C1orf105: variants seen among roughly 807,000 people sequenced by gnomAD.
The protein encoded by C1orf105 is uncharacterized protein C1orf105.
A neutral mutation model predicts 20.8 loss-of-function variants in C1orf105; 17 were observed. The ratio of observed to expected loss-of-function variants is 0.82; its 90% CI spans 0.56 to 1.23. The LOEUF is 1.23. Ranked by LOEUF, C1orf105 falls within the 50% of genes most tolerant of loss-of-function variation. The pLI is 0.00. For missense variants in C1orf105, 219 were observed against 213.5 expected, an observed-to-expected ratio of 1.03 and a Z score of -0.16; for synonymous variants, 72 against 72.1, an observed-to-expected ratio of 1.00 and a Z score of 0.01.
chr1:172,444,046 T>C (rs1647675331), intron 1 of C1orf105: 1 of 999,730 alleles, frequency 1.0e-6, no homozygotes, highest in Non-Finnish European at 1.2e-6. Context: ...TTTTCCCGCT[T>C]CGGGGCGCCG....
At chr1:172,449,109 T>C (rs1032696888) in intron 3 of C1orf105, among the ~76,000 whole-genome samples, 1 of 152,160 alleles carries the variant, frequency 6.6e-6, no homozygotes, top group African/African-American at 2.4e-5. Context: ...AGGGCTGTCA[T>C]AGGCAGTGCC....
Position 172,445,059 on chromosome 1 carries a change from C to G in C1orf105, c.22-14C>G, listed in dbSNP as rs1558134683. 1.9e-6 allele frequency: 3 copies of G among 1,599,900 alleles called. No individual in the cohort carries two copies. Among genetic ancestry groups the G allele is most frequent in the Middle Eastern group, 3.3e-4 (2 of 6,036 alleles). ...TGTGATATATTCTGTAAAATGTTCT[C>G]TATTTCCCTCTAGGCTTCTGTTCCA... On this transcript the variant is annotated splice_polypyrimidine_tract_variant and intron_variant, in intron 1 of 6. Transcript: ENST00000367727.
At chr1:172,447,460 T>A (rs1236541827) in intron 2 of C1orf105, among the ~76,000 whole-genome samples, 1 of 152,178 alleles carries the variant, frequency 6.6e-6, no homozygotes, top group African/African-American at 2.4e-5. Flanking sequence ...TAAGGTCATG[T>A]TTATATAAGA....
intron 1 of C1orf105, among the ~76,000 whole-genome samples, chr1:172,436,900 A>T (rs1166678632): frequency 6.6e-6 from 1 of 152,170 alleles, no homozygotes; most frequent in Admixed American, 6.5e-5. Flanking sequence ...TACAAGAAAA[A>T]AACAACCCCA....
At chr1:172,461,441 T>A (rs2149191417) in intron 4 of C1orf105, among the ~76,000 whole-genome samples, 1 of 152,332 alleles carries the variant, frequency 6.6e-6, no homozygotes, top group South Asian at 2.1e-4. Flanking sequence ...TTTATTATTA[T>A]AGCTACAATA....
At chr1:172,467,116 A>T (rs1360120498) in intron 6 of C1orf105, among the ~76,000 whole-genome samples, 1 of 152,144 alleles carries the variant, frequency 6.6e-6, no homozygotes, top group Non-Finnish European at 1.5e-5. Flanking sequence ...CCTTTGACTG[A>T]CCCAGGAAAA....
chr1:172,456,703 G>A (rs1558142301), intron 4 of C1orf105, among the ~76,000 whole-genome samples: 1 of 152,176 alleles, frequency 6.6e-6, no homozygotes, highest in Non-Finnish European at 1.5e-5. Flanking sequence ...GGGTAACCAG[G>A]ATAGATGGGC....
chr1:172,461,712 A>G (rs1467418920), intron 4 of C1orf105, among the ~76,000 whole-genome samples: 3 of 152,254 alleles, frequency 2.0e-5, no homozygotes, highest in African/African-American at 7.2e-5. Flanking sequence ...TGGAAATACA[A>G]AAATAGAGAC....
chr1:172,441,682 G>A lies in C1orf105; in HGVS notation c.22-3391G>A, dbSNP rs150087968. 874 of 1,418,132 alleles carry A rather than the reference G, an allele frequency of 6.2e-4. 9 individuals carry two copies. The African/African-American group carries it at 0.011, about 17-fold the overall frequency. The allele number at this position is 1,418,132 out of a possible 1,614,324, so 87.8% of individuals were successfully genotyped here. A position where few individuals can be genotyped will look rare whatever the true frequency, so the allele number is the denominator to read the frequency against. ...TGTCTTTAAGTTCTATACTAGTTAG[G>A]AGGCTAATCTATCAGCTTGCTTTAA... is the stretch of plus-strand genomic sequence containing the variant. On this transcript the variant is annotated intron_variant, in intron 1 of 6. Coordinates refer to ENST00000367727, the MANE Select transcript of C1orf105 (RefSeq NM_139240.4).
rs1253780528 is a variant in C1orf105 at position 172,428,881 on chromosome 1, T to C, written c.21+7975T>C. On this transcript the variant is annotated intron_variant, in intron 1 of 6. Coordinates refer to ENST00000367727, the MANE Select transcript of C1orf105 (RefSeq NM_139240.4). ...ACAATAAATTCCTGAAGCCACACAC[T>C]ATAAAAATCTGAATGGTAGAAGGTG... 8 of 674,864 alleles carry C rather than the reference T, an allele frequency of 1.2e-5. No homozygotes were observed. The African/African-American group carries it at 1.3e-4, about 11-fold the overall frequency. 41.8% of individuals were successfully genotyped at this position (674,864 alleles called of 1,614,324 possible).
At chr1:172,467,916 C>G (rs1357307866) in intron 6 of C1orf105, among the ~76,000 whole-genome samples, 2 of 151,986 alleles carry the variant, frequency 1.3e-5, no homozygotes, top group Non-Finnish European at 2.9e-5. Context: ...TTAAATAACC[C>G]TAAAATAAAT....
intron 5 of C1orf105, 33 bp from the exon 6 acceptor site, chr1:172,465,266 T>C (rs1270303993): frequency 1.4e-6 from 2 of 1,479,076 alleles, no homozygotes; most frequent in Non-Finnish European, 9.4e-7. Flanking sequence ...CCTAGCCAAT[T>C]GACTAATGTG....
intron 1 of C1orf105, chr1:172,442,483 T>C: frequency 3.1e-6 from 5 of 1,614,172 alleles, no homozygotes; most frequent in Non-Finnish European, 4.2e-6. Flanking sequence ...AGCCCAATAT[T>C]GGTATTTCCG....
chr1:172,435,616 A>G (rs1370526530), intron 1 of C1orf105, among the ~76,000 whole-genome samples: 3 of 152,228 alleles, frequency 2.0e-5, no homozygotes, highest in Non-Finnish European at 4.4e-5. Flanking sequence ...AGAGCTACTC[A>G]TGACAAACCC....
chr1:172,434,223 G>A (rs1033777649), intron 1 of C1orf105, among the ~76,000 whole-genome samples: 5 of 152,148 alleles, frequency 3.3e-5, no homozygotes, highest in African/African-American at 1.2e-4. Flanking sequence ...AGGATAACCA[G>A]GATTGAACTC....
At chr1:172,441,016 T>C (rs992861230) in intron 1 of C1orf105, among the ~76,000 whole-genome samples, 3 of 152,168 alleles carry the variant, frequency 2.0e-5, no homozygotes, top group South Asian at 4.1e-4. Flanking sequence ...CACAATGCCC[T>C]AAAACCATCT....
In C1orf105 at chr1:172,426,772, T is replaced by C. The variant is rs574952853; in HGVS notation, c.21+5866T>C. Among the ~76,000 whole-genome samples, 6 of 152,352 alleles carry C rather than the reference T, an allele frequency of 3.9e-5. No individual in the cohort carries two copies. The South Asian group carries it at 8.3e-4, about 21-fold the overall frequency. ...ACCTTTATGCTGTCCCTCAGCCCTCTGTCCTTCACCCTTCTTGAGGTTCAC... is the reference window on the plus strand; with the variant it reads ...ACCTTTATGCTGTCCCTCAGCCCTCCGTCCTTCACCCTTCTTGAGGTTCAC... On this transcript the variant is annotated intron_variant, in intron 1 of 6. Coordinates refer to ENST00000367727, the MANE Select transcript of C1orf105 (RefSeq NM_139240.4).
At chr1:172,452,811 G>A (rs1325679021) in intron 3 of C1orf105, 3 of 1,389,912 alleles carry the variant, frequency 2.2e-6, no homozygotes, top group Non-Finnish European at 2.8e-6. Context: ...GAGGACAGCT[G>A]CTTGGGAAAT....
At chr1:172,452,903 C>T in intron 3 of C1orf105, 1 of 1,491,050 alleles carries the variant, frequency 6.7e-7, no homozygotes, top group Non-Finnish European at 8.9e-7. Flanking sequence ...GGACAATTCC[C>T]TCTCCATTCC....
Sources: gnomAD v4.1 joint callset for allele counts (sites outside exome capture counted in the v4.1 genomes callset) on GRCh38, gnomAD v4.1.1 for gene constraint, MANE v1.5 for transcripts, NCBI Gene and HGNC (gene_info 2026-07-23, HGNC 2026-07-21) for gene names.